The following MED12L variants were observed in gnomAD, a reference collection of about 807,000 sequenced individuals.
MED12L encodes mediator of RNA polymerase II transcription subunit 12-like protein.
A neutral mutation model predicts 281.3 loss-of-function variants in MED12L; 60 were observed. The observed-to-expected ratio is 0.21, with a 90% confidence interval of 0.17 to 0.26. The LOEUF (loss-of-function observed/expected upper bound fraction) is 0.26, where lower values mean the gene tolerates loss of function less well. Ranked by LOEUF, MED12L falls within the 10% of genes least tolerant of loss-of-function variation. The pLI is 1.00. For synonymous variants in MED12L, 974 were observed against 987.2 expected, an observed-to-expected ratio of 0.99 and a Z score of 0.25; for missense variants, 2,146 against 2,680.9, an observed-to-expected ratio of 0.80 and a Z score of 4.41.
chr3:151,399,469 A>G (rs1296372785), intron 39 of MED12L, among the ~76,000 whole-genome samples: 1 of 152,226 alleles, frequency 6.6e-6, no homozygotes, highest in Non-Finnish European at 1.5e-5. Flanking sequence ...GTGGTTACCA[A>G]TAGAACAAAC....
At chr3:151,423,250 A>T (rs1718484739) in intron 43 of MED12L, among the ~76,000 whole-genome samples, 1 of 150,990 alleles carries the variant, frequency 6.6e-6, no homozygotes, top group African/African-American at 2.4e-5. Flanking sequence ...CTTTTTGACT[A>T]TTTTGTTCAT....
chr3:151,338,256 A>G (rs1751299828), intron 16 of MED12L: 15 of 1,614,080 alleles, frequency 9.3e-6, no homozygotes, highest in Non-Finnish European at 1.3e-5. Flanking sequence ...AATCCAGAAA[A>G]TGACTTGACA....
chr3:151,209,924 A>G (rs746373501), intron 16 of MED12L, among the ~76,000 whole-genome samples: 19 of 152,174 alleles, frequency 1.2e-4, no homozygotes, highest in Non-Finnish European at 1.8e-4. Context: ...AAAGAAACCA[A>G]TTAAAATTGG....
At chr3:151,168,221 A>C (rs995059856) in intron 11 of MED12L, among the ~76,000 whole-genome samples, 1 of 152,230 alleles carries the variant, frequency 6.6e-6, no homozygotes, top group Non-Finnish European at 1.5e-5. Flanking sequence ...GCAATGAGCC[A>C]TTAGGGTGCA....
chr3:151,123,235 CAAG>C (rs1714026986), intron 4 of MED12L, among the ~76,000 whole-genome samples: 1 of 152,058 alleles, frequency 6.6e-6, no homozygotes, highest in African/African-American at 2.4e-5. Context: ...ATTTTAAAAT[CAAG>C]AACAGGCAAG....
intron 39 of MED12L, among the ~76,000 whole-genome samples, chr3:151,403,716 A>C (rs1234169565): frequency 6.6e-6 from 1 of 152,198 alleles, no homozygotes; most frequent in Non-Finnish European, 1.5e-5. Context: ...AAGAGCACAC[A>C]TCTCAGATGT....
chr3:151,196,442 A>T (rs1724671401), intron 16 of MED12L, among the ~76,000 whole-genome samples: 1 of 152,202 alleles, frequency 6.6e-6, no homozygotes, highest in Non-Finnish European at 1.5e-5. Context: ...TATGGTTAAG[A>T]AAAGTGTTTT....
At chr3:151,321,243 C>G (rs1748960311) in intron 16 of MED12L, among the ~76,000 whole-genome samples, 1 of 151,966 alleles carries the variant, frequency 6.6e-6, no homozygotes. Flanking sequence ...GTTTTTTTCT[C>G]CTGTAAAGAA....
intron 16 of MED12L, among the ~76,000 whole-genome samples, chr3:151,209,310 C>G (rs1291574960): frequency 6.6e-6 from 1 of 152,120 alleles, no homozygotes; most frequent in African/African-American, 2.4e-5. Context: ...GTAGCTGATT[C>G]ACATGTAATA....
intron 16 of MED12L, among the ~76,000 whole-genome samples, chr3:151,245,437 C>CA (rs1287125227): frequency 8.2e-5 from 12 of 146,206 alleles, no homozygotes; most frequent in Admixed American, 7.6e-4. Flanking sequence ...AAGTGGGCTT[C>CA]ATCCCTGGGA....
chr3:151,158,081 G>A (rs530371984), intron 6 of MED12L, among the ~76,000 whole-genome samples: 6 of 152,286 alleles, frequency 3.9e-5, no homozygotes, highest in Middle Eastern at 3.4e-3. Flanking sequence ...TGTCACCCCC[G>A]TGGGGCATTT....
At chr3:151,136,511 A>G (rs1247521376) in intron 5 of MED12L, among the ~76,000 whole-genome samples, 2 of 152,238 alleles carry the variant, frequency 1.3e-5, no homozygotes, top group Non-Finnish European at 2.9e-5. Context: ...AGGCATGAAA[A>G]ATAGGTTTTA....
chr3:151,089,183 A>G (rs1719686736), intron 2 of MED12L, among the ~76,000 whole-genome samples: 1 of 152,214 alleles, frequency 6.6e-6, no homozygotes, highest in South Asian at 2.1e-4. Flanking sequence ...ATTGAAATAT[A>G]TGTATATATA....
intron 2 of MED12L, among the ~76,000 whole-genome samples, chr3:151,093,941 ATG>A (rs1026722764): frequency 2.6e-5 from 4 of 152,190 alleles, no homozygotes; most frequent in African/African-American, 9.7e-5. Flanking sequence ...AGGAGATGAA[ATG>A]TGATCCTTTA....
intron 39 of MED12L, among the ~76,000 whole-genome samples, chr3:151,406,067 C>CT (rs1716267030): frequency 6.6e-6 from 1 of 152,192 alleles, no homozygotes; most frequent in South Asian, 2.1e-4. Flanking sequence ...TAACAGATAA[C>CT]TAAGGTGACC....
intron 38 of MED12L, 60 bp from the exon 39 acceptor site, chr3:151,394,596 A>G (rs921594361): frequency 3.8e-6 from 6 of 1,596,102 alleles, no homozygotes; most frequent in East Asian, 4.5e-5. Flanking sequence ...GTTTTGATAC[A>G]TAAAAAGACC....
chr3:151,333,012 C>T (rs1005297803), intron 16 of MED12L, among the ~76,000 whole-genome samples: 4 of 152,134 alleles, frequency 2.6e-5, no homozygotes, highest in African/African-American at 9.7e-5. Context: ...TTTCCTGTTC[C>T]TGTGTTAGTT....
chr3:151,349,141 G>A (rs1329302462), intron 16 of MED12L, among the ~76,000 whole-genome samples: 9 of 152,244 alleles, frequency 5.9e-5, no homozygotes, highest in African/African-American at 2.2e-4. Flanking sequence ...AAGATTCAGA[G>A]CCAGGCACAA....
At chr3:151,415,441 A>C (rs973349929) in intron 42 of MED12L, among the ~76,000 whole-genome samples, 4 of 152,242 alleles carry the variant, frequency 2.6e-5, no homozygotes, top group Admixed American at 2.6e-4. Context: ...TGTTGGGATC[A>C]TGCTACCCAG....
Sources: gnomAD v4.1 joint callset for allele counts (sites outside exome capture counted in the v4.1 genomes callset) on GRCh38, gnomAD v4.1.1 for gene constraint, MANE v1.5 for transcripts, NCBI Gene and HGNC (gene_info 2026-07-23, HGNC 2026-07-21) for gene names.